NBPF20: variants seen among roughly 807,000 people sequenced by gnomAD.
NBPF20 encodes NBPF family member NBPF20.
In NBPF20, 90 loss-of-function variants were observed where a neutral mutation model predicts 68.1. That is an observed-to-expected ratio of 1.32 (90% confidence interval 1.11 to 1.58). The LOEUF (loss-of-function observed/expected upper bound fraction) is 1.58. Ranked by LOEUF, NBPF20 falls within the 40% of genes most tolerant of loss-of-function variation. The probability of loss-of-function intolerance (pLI) is 0.00; values close to 1 mark genes in which losing one functional copy is unlikely to be tolerated. For missense variants in NBPF20, 816 were observed against 601.2 expected (o/e 1.36, Z -3.74); for synonymous variants, 290 against 228.1 (o/e 1.27, Z -2.45).
At chr1:145,405,228 C>T (rs1662721587) in exon 2 of NBPF20, 4 of 1,610,860 alleles carry the variant, frequency 2.5e-6, no homozygotes, top group Non-Finnish European at 3.4e-6. Context: ...CTAGAATGTT[C>T]ATCTCTGCCT....
At chr1:145,298,371 GACAC>G (rs1194170645) in intron 129 of NBPF20, among the ~76,000 whole-genome samples, 5 of 139,082 alleles carry the variant, frequency 3.6e-5, no homozygotes, top group East Asian at 2.0e-4. Context: ...CACACACACA[GACAC>G]ACACACACAC....
intron 7 of NBPF20, among the ~76,000 whole-genome samples, chr1:145,395,721 G>C (rs1181503540): frequency 6.7e-6 from 1 of 148,420 alleles, no homozygotes; most frequent in African/African-American, 2.6e-5. Flanking sequence ...GGTCTGGAGT[G>C]GACTTCCAGC....
At chr1:145,290,668 G>C (rs1376365074) in exon 138 of NBPF20, 1 of 151,190 alleles carries the variant, frequency 6.6e-6, no homozygotes, top group African/African-American at 2.4e-5. Context: ...CCTTTTTGTT[G>C]TGTGATTTGT....
intron 136 of NBPF20, among the ~76,000 whole-genome samples, 152 bp from the exon 142 acceptor site, chr1:145,292,641 T>G (rs367684760): frequency 1.3e-5 from 2 of 148,404 alleles, no homozygotes; most frequent in Admixed American, 1.3e-4. Context: ...TGAAGGCTGT[T>G]CATGATAGAA....
At chr1:145,291,747 C>G (rs782535497) in exon 138 of NBPF20, 10 of 1,611,836 alleles carry the variant, frequency 6.2e-6, no homozygotes, top group Non-Finnish European at 7.6e-6. Flanking sequence ...GGCTCTTCCA[C>G]TTCCATCAGC....
chr1:145,410,689 A>AAT, the NBPF20 span, among the ~76,000 whole-genome samples: 26 of 112,564 alleles, frequency 2.3e-4, no homozygotes, highest in Middle Eastern at 3.8e-3. Flanking sequence ...ATCAGACTGC[A>AAT]ATATATATAT....
rs1275086869 is a variant in NBPF20 at position 145,290,184 on chromosome 1, AG to A, written c.*1341del. 4.7e-5 allele frequency: 7 copies of A among 148,208 alleles called. 1 individual carries two copies. Among genetic ancestry groups the A allele is most frequent in the Non-Finnish European group, 9.0e-5 (6 of 66,996 alleles). The allele number at this position is 148,208 out of a possible 1,614,324, so 9.2% of individuals were successfully genotyped here. A position where few individuals can be genotyped will look rare whatever the true frequency, so the allele number is the denominator to read the frequency against. ...TATGAATATAATAATAGACACAGGC[AG>A]GGAGGATTAATAAATGATAAAATGT... On this transcript the variant is annotated 3_prime_UTR_variant, in exon 138 of 138. Transcript: ENST00000369373.
the NBPF20 span, among the ~76,000 whole-genome samples, chr1:145,423,975 CTTT>C: frequency 1.0e-4 from 14 of 133,356 alleles, no homozygotes; most frequent in African/African-American, 3.1e-4. Context: ...ATTACCTGTA[CTTT>C]TTTTTTTTTT....
chr1:145,405,332 T>C (rs1238752740), intron 1 of NBPF20, 25 bp from the exon 7 acceptor site: 30 of 1,494,526 alleles, frequency 2.0e-5, no homozygotes, highest in African/African-American at 2.8e-5. Flanking sequence ...CCCAAACATA[T>C]GATGGGTTAA....
upstream of NBPF20, among the ~76,000 whole-genome samples, chr1:145,406,548 A>T (rs1408167653): frequency 6.6e-6 from 1 of 151,926 alleles, no homozygotes; most frequent in East Asian, 1.9e-4. Flanking sequence ...ATTGCTTTAC[A>T]TTTCTATGAA....
At position 145,338,006 on chromosome 1, in the gene NBPF20, G is replaced by C. The variant is rs1466065146; in HGVS notation, c.9546-197C>G. 2.2e-4 allele frequency among the ~76,000 whole-genome samples: 18 copies of C among 80,746 alleles called. No homozygotes were observed. The South Asian group carries it at 4.0e-3, about 18-fold the overall frequency. 53.0% of individuals were successfully genotyped at this position (80,746 alleles called of 152,430 possible). On this transcript the variant is annotated intron_variant, in intron 79 of 137. Coordinates refer to ENST00000369373, the Ensembl canonical transcript of NBPF20. ...AAAGAATGAAAGAGAAAGACAGATA[G>C]ACACACACACACACACACACACACA...
the NBPF20 span, among the ~76,000 whole-genome samples, chr1:145,420,082 G>A: frequency 2.3e-3 from 346 of 150,374 alleles, 1 homozygote; most frequent in African/African-American, 6.3e-3. Context: ...TGGGGGATGC[G>A]GGTGGACAGG....
At chr1:145,417,636 A>AC in the NBPF20 span, among the ~76,000 whole-genome samples, 3 of 149,440 alleles carry the variant, frequency 2.0e-5, no homozygotes, top group Non-Finnish European at 4.5e-5. Flanking sequence ...AAAAAAAAAA[A>AC]AAAAAGGTGA....
the NBPF20 span, among the ~76,000 whole-genome samples, chr1:145,411,992 C>T: frequency 9.3e-6 from 1 of 107,184 alleles, no homozygotes. Flanking sequence ...CCACAAGCCT[C>T]AGCCATGCTT....
intron 137 of NBPF20, 76 bp downstream of exon 142, chr1:145,292,305 C>T (rs1222003350): frequency 4.8e-5 from 30 of 621,360 alleles, no homozygotes; most frequent in Non-Finnish European, 8.2e-5. Context: ...TGACATCAAA[C>T]ACACTCTGGT....
chr1:145,291,653 C>G (rs1242294582), exon 138 of NBPF20: 1 of 1,611,918 alleles, frequency 6.2e-7, no homozygotes, highest in Non-Finnish European at 8.5e-7. Flanking sequence ...AAACACACTT[C>G]TGTAGTGCTG....
exon 138 of NBPF20, chr1:145,291,298 C>T: frequency 1.5e-6 from 1 of 675,446 alleles, no homozygotes; most frequent in Non-Finnish European, 2.5e-6. Flanking sequence ...CTGATCACTC[C>T]CGGCATGTGC....
upstream of NBPF20, among the ~76,000 whole-genome samples, chr1:145,407,362 CACACGTATATATATATAATATATAT>C (rs1553667836): frequency 7.0e-6 from 1 of 142,602 alleles, no homozygotes; most frequent in East Asian, 2.0e-4. Context: ...ACCAACATGG[CACACGTATATATATATAATATATAT>C]ACACGTGTAT....
At chr1:145,403,640 C>T (rs1372608232) in intron 2 of NBPF20, among the ~76,000 whole-genome samples, 1 of 152,188 alleles carries the variant, frequency 6.6e-6, no homozygotes, top group Non-Finnish European at 1.5e-5. Context: ...AGCCTTGCAG[C>T]CTCTCCTCTA....
Sources: allele counts gnomAD v4.1 joint callset (sites outside exome capture counted in the v4.1 genomes callset), GRCh38; gene constraint gnomAD v4.1.1; transcripts MANE v1.5; gene names NCBI Gene and HGNC (gene_info 2026-07-23, HGNC 2026-07-21).